The following MACF1 variants were observed in gnomAD, a reference collection of about 807,000 sequenced individuals.
MACF1 encodes the protein microtubule-actin cross-linking factor 1.
In MACF1, 193 loss-of-function variants were observed where a neutral mutation model predicts 854.8. The ratio of observed to expected loss-of-function variants is 0.23; its 90% CI spans 0.20 to 0.25. The LOEUF (loss-of-function observed/expected upper bound fraction) is 0.25. MACF1 is among the 10% of genes least tolerant of loss of function. MACF1 has a pLI of 1.00. For synonymous variants in MACF1, 3,185 were observed against 3,226.7 expected (o/e 0.99, Z 0.44); for missense variants, 7,722 against 8,929.1 (o/e 0.86, Z 5.45).
At chr1:39,458,256 C>A (rs1644482253) in intron 89 of MACF1, 114 bp from the exon 90 acceptor site, 1 of 993,884 alleles carries the variant, frequency 1.0e-6, no homozygotes, top group Non-Finnish European at 1.5e-6. Flanking sequence ...CCAGCCTCCA[C>A]ACAGCCTTTC....
chr1:39,421,724 C>T (rs1255503824), intron 58 of MACF1, among the ~76,000 whole-genome samples: 1 of 152,274 alleles, frequency 6.6e-6, no homozygotes, highest in East Asian at 1.9e-4. Flanking sequence ...ATTGCGCTTA[C>T]TTGTACAGCA....
At position 39,360,961 on chromosome 1, in the gene MACF1, T is replaced by A. The variant is rs1299578370; in HGVS notation, c.12413T>A (p.Leu4138His). ...QNLEGKQVSS[L>H]SSGVIQEALA... ...CTGGAAGGGAAGCAGGTGTCATCAC[T>A]CTCATCAGGAGTCATCCAGGAAGCC... The change falls in exon 48 of 101, where the codon CTC becomes CAC. Residue 4138 changes from leucine (L) to histidine (H), a missense_variant. By Grantham distance (99) the Leu-to-His change is moderately conservative. This residue lies in a region of MACF1 where 2,807 missense variants were observed against 3,235.8 expected (regional missense o/e 0.87). Coordinates refer to ENST00000564288, the MANE Select transcript of MACF1 (RefSeq NM_001394062.1). 6.2e-7 allele frequency: 1 copy of A among 1,613,984 alleles called. No homozygotes were observed. The highest frequency in any genetic ancestry group is 8.5e-7 in the Non-Finnish European group (1 of 1,180,024).
At chr1:39,310,644 A>G (rs1646281242) in intron 25 of MACF1, among the ~76,000 whole-genome samples, 187 bp from the exon 26 acceptor site, 2 of 152,250 alleles carry the variant, frequency 1.3e-5, no homozygotes, top group Admixed American at 6.5e-5. Context: ...TCATCAACCT[A>G]TCACATTTTC....
At chr1:39,349,442 A>C in intron 41 of MACF1, 36 bp from the exon 42 acceptor site, 29 of 1,565,702 alleles carry the variant, frequency 1.9e-5, no homozygotes, top group Non-Finnish European at 2.5e-5. Context: ...AATGTGAATT[A>C]CGAAATGTCT....
At chr1:39,393,188 A>ATATATATATATATATATAT (rs1365389099) in intron 58 of MACF1, among the ~76,000 whole-genome samples, 2 of 88,222 alleles carry the variant, frequency 2.3e-5, no homozygotes, top group African/African-American at 1.3e-4. Flanking sequence ...GGGTAAAAAA[A>ATATATATATATATATATAT]AAAAAAAAAT....
intron 15 of MACF1, among the ~76,000 whole-genome samples, chr1:39,289,352 C>T (rs1468373661): frequency 6.6e-6 from 1 of 152,200 alleles, no homozygotes; most frequent in Non-Finnish European, 1.5e-5. Context: ...TACATTCCCA[C>T]CAACAGCATA....
intron 2 of MACF1, among the ~76,000 whole-genome samples, chr1:39,145,170 T>A (rs1391082332): frequency 6.6e-6 from 1 of 152,214 alleles, no homozygotes; most frequent in Non-Finnish European, 1.5e-5. Context: ...AGCCTGGCTC[T>A]CAATCCTATC....
At position 39,387,547 on chromosome 1, in the gene MACF1, T is replaced by C. The variant is rs751911182; in HGVS notation, c.14705T>C (p.Met4902Thr). ...ADRQSRLKDCMQKAQKYQWHV... is the reference protein window; with the variant it reads ...ADRQSRLKDCTQKAQKYQWHV... Reference sequence around the variant, plus strand: ...AGACAATCCAGGCTCAAGGATTGTATGCAGAAAGCTCAGAAATATCAGTGG... The same window carrying C: ...AGACAATCCAGGCTCAAGGATTGTACGCAGAAAGCTCAGAAATATCAGTGG... The change falls in exon 58 of 101, where the codon ATG becomes ACG. Residue 4902 changes from methionine to threonine, a missense_variant. By Grantham distance (81) the Met-to-Thr change is moderately conservative. Transcript: ENST00000564288. The C allele has an allele frequency of 1.1e-5, 18 of 1,614,020 alleles. No individual in the cohort carries two copies. Among genetic ancestry groups the C allele is most frequent in the Non-Finnish European group, 1.5e-5 (18 of 1,180,042 alleles).
chr1:39,133,381 A>G (rs2148174402), intron 2 of MACF1, among the ~76,000 whole-genome samples: 1 of 152,314 alleles, frequency 6.6e-6, no homozygotes, highest in African/African-American at 2.4e-5. Context: ...GGAGGCAGTC[A>G]TTGTGATCCC....
At chr1:39,389,356 T>G (rs1357260748) in intron 58 of MACF1, among the ~76,000 whole-genome samples, 2 of 116,690 alleles carry the variant, frequency 1.7e-5, no homozygotes, top group Non-Finnish European at 3.3e-5. Context: ...TGTGTGTTTT[T>G]TTTTTTTTTT....
chr1:39,140,535 C>T (rs1031270156), intron 2 of MACF1, among the ~76,000 whole-genome samples: 3 of 152,140 alleles, frequency 2.0e-5, no homozygotes, highest in Non-Finnish European at 4.4e-5. Context: ...CACAGTGCCT[C>T]GCACATAGAT....
At chr1:39,371,040 C>T (rs1649184887) in intron 51 of MACF1, among the ~76,000 whole-genome samples, 1 of 152,012 alleles carries the variant, frequency 6.6e-6, no homozygotes. Context: ...TGATTAATGG[C>T]CAGGCGCAGT....
chr1:39,170,260 T>C (rs763632286), intron 2 of MACF1, among the ~76,000 whole-genome samples: 2 of 152,208 alleles, frequency 1.3e-5, no homozygotes, highest in Admixed American at 1.3e-4. Context: ...ATTGAAATGG[T>C]AAGCTTTTTT....
intron 52 of MACF1, among the ~76,000 whole-genome samples, chr1:39,373,742 A>G (rs1386872817): frequency 6.6e-6 from 1 of 150,910 alleles, no homozygotes; most frequent in East Asian, 2.0e-4. Flanking sequence ...AATCCCAGCT[A>G]TTTGGGAGTC....
At chr1:39,247,132 G>T (rs1418328281) in intron 2 of MACF1, among the ~76,000 whole-genome samples, 1 of 144,250 alleles carries the variant, frequency 6.9e-6, no homozygotes, top group Non-Finnish European at 1.5e-5. Context: ...GAGTGCAGTG[G>T]CGCGATCTCG....
At chr1:39,394,270 G>T (rs200922247) in intron 58 of MACF1, among the ~76,000 whole-genome samples, 18,233 of 150,720 alleles carry the variant, frequency 0.12, 1,323 homozygotes, top group Middle Eastern at 0.21. Context: ...TTGATTGATT[G>T]ATTGATTTAT....
In MACF1 at chr1:39,337,345, G is replaced by A. The variant is rs151025804; in HGVS notation, c.10215+14G>A. The A allele has an allele frequency of 5.5e-5, 89 of 1,612,046 alleles. No individual in the cohort carries two copies. The East Asian group carries it at 1.9e-3, about 34-fold the overall frequency. On this transcript the variant is annotated intron_variant, in intron 38 of 100. Transcript: ENST00000564288. ...TGTCAGGCCAAGGTAGGTTCCCAGAGACTTCCACCACAGACACCAGCTTCA... is the reference window on the plus strand; with the variant it reads ...TGTCAGGCCAAGGTAGGTTCCCAGAAACTTCCACCACAGACACCAGCTTCA...
chr1:39,237,621 G>A (rs192667093), intron 2 of MACF1, among the ~76,000 whole-genome samples: 1 of 152,070 alleles, frequency 6.6e-6, no homozygotes, highest in Non-Finnish European at 1.5e-5. Flanking sequence ...TTGCCAAAAC[G>A]ATACAGCTAG....
chr1:39,479,804 G>GTAATGT lies in MACF1; in HGVS notation c.21967_21968insATGTTA (p.Gly7322_Arg7323insAsnVal). ...GTGTTTATTTCCTTTTTAGCACGAG[G>GTAATGT]TAGAACTAACATTGAACTTAGAGAG... On this transcript the variant is annotated inframe_insertion, in exon 98 of 101. Transcript: ENST00000564288. The GTAATGT allele has an allele frequency of 6.2e-7, 1 of 1,614,022 alleles. No individual in the cohort carries two copies. The highest frequency in any genetic ancestry group is 8.5e-7 in the Non-Finnish European group (1 of 1,179,864).
Sources: allele counts gnomAD v4.1 joint callset (sites outside exome capture counted in the v4.1 genomes callset), GRCh38; gene constraint gnomAD v4.1.1; regional missense constraint gnomAD v4.1.1; transcripts MANE v1.5; gene names NCBI Gene and HGNC (gene_info 2026-07-23, HGNC 2026-07-21).